Variants in KDM3B observed in about 807,000 individuals in gnomAD.
The protein encoded by KDM3B is lysine-specific demethylase 3B.
KDM3B carries 10 observed loss-of-function variants against 170.0 expected under a neutral mutation model. The observed-to-expected ratio is 0.06, with a 90% CI of 0.04 to 0.10. The LOEUF is 0.10. Ranked by LOEUF, KDM3B falls within the 10% of genes least tolerant of loss-of-function variation. The probability of loss-of-function intolerance (pLI) is 1.00; values close to 1 mark genes in which losing one functional copy is unlikely to be tolerated. For missense variants in KDM3B, 1,394 were observed against 2,195.2 expected (o/e 0.64, Z 7.29); for synonymous variants, 831 against 834.8 (o/e 1.00, Z 0.08).
In KDM3B at chr5:138,427,968, G is replaced by A; in HGVS notation, c.4635G>A (p.Gly1545=). The A allele has an allele frequency of 6.2e-7, 1 of 1,612,806 alleles. No individual in the cohort carries two copies. Among genetic ancestry groups the A allele is most frequent in the Non-Finnish European group, 8.5e-7 (1 of 1,179,320 alleles). ...TGCATATTTTCCTTTCTCCTTTAGG[G>A]TTGATAACAGCAGAAGATAGAAGAG... ...DLGPKMYNAY[G]LITAEDRRVG... Residue 1545 remains glycine (G), a splice_region_variant and synonymous_variant, in exon 20 of 24, where the codon GGG becomes GGA. Transcript: ENST00000314358.
chr5:138,359,856 C>T (rs998844522), intron 1 of KDM3B, among the ~76,000 whole-genome samples: 2 of 152,046 alleles, frequency 1.3e-5, no homozygotes, highest in Non-Finnish European at 2.9e-5. Context: ...TCTTTCATCT[C>T]TCTTTCAAGG....
chr5:138,432,970 G>T (rs1285538424), intron 23 of KDM3B, among the ~76,000 whole-genome samples: 4 of 151,546 alleles, frequency 2.6e-5, no homozygotes, highest in Admixed American at 1.3e-4. Context: ...GGTCTTGATC[G>T]CCTGACCTCG....
chr5:138,435,775 T>C lies in KDM3B; in HGVS notation c.*75T>C. The stretch of plus-strand genomic sequence containing the variant: ...CACTTAACAGGGAACGGCAGGGCTC[T>C]TTGCTGGAGCAGAGGCCCTTCACCC... On this transcript the variant is annotated 3_prime_UTR_variant, in exon 24 of 24. Transcript: ENST00000314358. 1 of 1,194,816 alleles carries C rather than the reference T, an allele frequency of 8.4e-7. No homozygotes were observed. The highest frequency in any genetic ancestry group is 1.3e-5 in the South Asian group (1 of 77,384). 74.0% of individuals were successfully genotyped at this position (1,194,816 alleles called of 1,614,324 possible).
In KDM3B at chr5:138,391,380, C is replaced by A; in HGVS notation, c.1748C>A (p.Ser583Tyr). Residue 583 changes from serine to tyrosine, a missense_variant, in exon 8 of 24, where the codon TCT (serine) becomes TAT (tyrosine). Physicochemically the swap from Ser to Tyr is moderately radical, Grantham distance 144 (BLOSUM62 -2). Around this residue, in one of 19 missense-constraint regions of KDM3B, gnomAD observed 294 missense variants for 311.7 expected, o/e 0.94. Transcript: ENST00000314358. This position sits in a 1 kb window ranked among gnomAD's most constrained non-coding sequence, Gnocchi z 5.0. ...CTTGGAACAGACACTAAGCCAGGCT[C>A]TAAGGCTGGCAGCTCTGTGGACCGG... The part of the protein sequence containing the change: ...SVLGTDTKPG[S>Y]KAGSSVDRKV... 1 of 1,613,972 alleles carries A rather than the reference C, an allele frequency of 6.2e-7. No homozygotes were observed. Among genetic ancestry groups the A allele is most frequent in the Non-Finnish European group, 8.5e-7 (1 of 1,179,908 alleles).
In KDM3B at chr5:138,391,905, A is replaced by G. The variant is rs1233118636; in HGVS notation, c.2273A>G (p.Asp758Gly). ...ERPTVGPGQQ[D>G]NPLLKTFSNV... ...CCAACTGTGGGGCCTGGGCAGCAGGACAATCCCCTCCTCAAAACCTTTAGT... is the reference window on the plus strand; with the variant it reads ...CCAACTGTGGGGCCTGGGCAGCAGGGCAATCCCCTCCTCAAAACCTTTAGT... Residue 758 changes from aspartate to glycine, a missense_variant, in exon 8 of 24, where the codon GAC becomes GGC. Physicochemically the swap from Asp to Gly is moderately conservative, Grantham distance 94. Transcript: ENST00000314358. This position sits in a 1 kb window ranked among gnomAD's most constrained non-coding sequence, Gnocchi z 5.0. 1 of 1,613,684 alleles carries G rather than the reference A, an allele frequency of 6.2e-7. No homozygotes were observed. The highest frequency in any genetic ancestry group is 8.5e-7 in the Non-Finnish European group (1 of 1,179,626).
At chr5:138,422,381 A>C (rs1247075243) in intron 15 of KDM3B, among the ~76,000 whole-genome samples, 1 of 152,238 alleles carries the variant, frequency 6.6e-6, no homozygotes, top group East Asian at 1.9e-4. Context: ...TCACACCTGT[A>C]ATCCCAGCAC....
chr5:138,389,543 A>G (rs534148470), intron 7 of KDM3B, among the ~76,000 whole-genome samples: 26 of 152,284 alleles, frequency 1.7e-4, no homozygotes, highest in African/African-American at 6.0e-4. Flanking sequence ...AACTATGAAG[A>G]CTATCTAGAT....
chr5:138,404,867 G>A (rs1424994999), intron 11 of KDM3B, among the ~76,000 whole-genome samples: 2 of 151,782 alleles, frequency 1.3e-5, no homozygotes, highest in Non-Finnish European at 2.9e-5. Context: ...TGGGATTACA[G>A]GCATGTGCCA....
intron 7 of KDM3B, 63 bp downstream of exon 7, chr5:138,386,684 T>G: frequency 6.5e-7 from 1 of 1,546,720 alleles, no homozygotes; most frequent in East Asian, 2.3e-5. Context: ...CCTTTATTGC[T>G]AACATTAAAA....
chr5:138,399,787 G>A (rs943822685), intron 10 of KDM3B, 73 bp from the exon 11 acceptor site: 7 of 1,386,124 alleles, frequency 5.1e-6, no homozygotes, highest in Non-Finnish European at 7.0e-6. Flanking sequence ...GCTTGAGTAG[G>A]GATCAGTGGG....
chr5:138,361,338 C>T (rs1761604348), intron 1 of KDM3B, among the ~76,000 whole-genome samples: 1 of 10,088 alleles, frequency 9.9e-5, no homozygotes, highest in Non-Finnish European at 6.4e-4. Flanking sequence ...GGCTGAAACT[C>T]CTTTTTTTTT....
chr5:138,398,153 T>C (rs370666678), intron 9 of KDM3B, 25 bp from the exon 10 acceptor site: 25 of 1,573,424 alleles, frequency 1.6e-5, no homozygotes, highest in Admixed American at 3.5e-5. Flanking sequence ...TCCTGCGATT[T>C]ACCATGTATT....
chr5:138,382,748 G>A lies in KDM3B; in HGVS notation c.780+1158G>A, dbSNP rs551229074. 1.1e-3 allele frequency among the ~76,000 whole-genome samples: 161 copies of A among 151,978 alleles called. 1 individual carries two copies. Among genetic ancestry groups the A allele is most frequent in the African/African-American group, 3.8e-3 (157 of 41,452 alleles). On this transcript the variant is annotated intron_variant, in intron 6 of 23. Transcript: ENST00000314358. ...AACTCTCACCTAAGCCTCCCAAAGT[G>A]CTGGGATGACAGGCATGAGCCACTG...
chr5:138,425,906 T>C, intron 17 of KDM3B: 1 of 181,726 alleles, frequency 5.5e-6, no homozygotes. Flanking sequence ...CTCAGGAGGC[T>C]GAGGCAGGAC....
At chr5:138,397,692 C>A (rs983112081) in intron 9 of KDM3B, among the ~76,000 whole-genome samples, 11 of 151,964 alleles carry the variant, frequency 7.2e-5, no homozygotes, top group African/African-American at 2.4e-4. Context: ...GAAACCCTGT[C>A]TCTACTAAAA....
chr5:138,399,824 A>T (rs537030574), intron 10 of KDM3B, 36 bp from the exon 11 acceptor site: 1 of 1,601,006 alleles, frequency 6.2e-7, no homozygotes, highest in Non-Finnish European at 8.5e-7. Context: ...ATTGGTCAGG[A>T]TGATCAATGC....
At position 138,419,147 on chromosome 5, in the gene KDM3B, T is replaced by C. The variant is rs201802253; in HGVS notation, c.3630T>C (p.Pro1210=). ...ATAGTGAACTGAAAGCCATCAGGCC[T>C]CCTTGCCCTGACACGGCCCCACCCT... The part of the protein sequence containing the change: ...NSNSELKAIR[P]PCPDTAPPSS... Residue 1210 remains proline (P), a synonymous_variant, in exon 14 of 24, where the codon CCT becomes CCC. Transcript: ENST00000314358. 97 of 1,614,214 alleles carry C rather than the reference T, an allele frequency of 6.0e-5. No individual in the cohort carries two copies. In the African/African-American group the frequency reaches 1.1e-3, roughly 19 times the overall value.
At chr5:138,390,723 C>A (rs1762405537) in intron 7 of KDM3B, among the ~76,000 whole-genome samples, 1 of 152,144 alleles carries the variant, frequency 6.6e-6, no homozygotes, top group African/African-American at 2.4e-5. Context: ...CCTACAAGGC[C>A]TTCTAGCACT....
chr5:138,420,674 A>G, intron 14 of KDM3B, 32 bp from the exon 15 acceptor site: 1 of 1,610,944 alleles, frequency 6.2e-7, no homozygotes, highest in Admixed American at 1.7e-5. Context: ...TCCTTTTTGT[A>G]CCTAATGCTG....
Sources: gnomAD v4.1 joint callset for allele counts (sites outside exome capture counted in the v4.1 genomes callset) on GRCh38, gnomAD v4.1.1 for gene constraint, gnomAD v4.1.1 regional missense constraint, Gnocchi (gnomAD v3.1) non-coding constraint, MANE v1.5 for transcripts, NCBI Gene and HGNC (gene_info 2026-07-23, HGNC 2026-07-21) for gene names.